The following RNF13 variants were observed in gnomAD, a reference collection of about 807,000 sequenced individuals.
The protein encoded by RNF13 is E3 ubiquitin-protein ligase RNF13.
Under a neutral mutation model 37.7 loss-of-function variants are expected in RNF13, and 19 were observed. That is an observed-to-expected ratio of 0.50 (90% CI 0.35 to 0.74). RNF13 has a LOEUF of 0.74. RNF13 is among the 30% of genes least tolerant of loss of function. The pLI, the probability that RNF13 is intolerant of heterozygous loss-of-function variation, is 0.01. For missense variants in RNF13, 375 were observed against 453.0 expected (o/e 0.83, Z 1.56); for synonymous variants, 144 against 157.8 (o/e 0.91, Z 0.65).
Position 149,960,044 on chromosome 3 carries a change from TTC to T in RNF13, c.701-10_701-9del, listed in dbSNP as rs745453756. ...GTGAAAAAATAGTTCTCTACATATT[TTC>T]TGTTTTCAGGAGATGAGTATGATGT... On this transcript the variant is annotated splice_polypyrimidine_tract_variant and intron_variant, in intron 8 of 9. Transcript: ENST00000392894. 7.8e-5 allele frequency: 124 copies of T among 1,589,508 alleles called. 1 individual carries two copies. The highest frequency in any genetic ancestry group is 9.9e-5 in the Non-Finnish European group (115 of 1,159,028).
At chr3:149,854,479 G>T (rs1463075680) in intron 3 of RNF13, among the ~76,000 whole-genome samples, 1 of 151,990 alleles carries the variant, frequency 6.6e-6, no homozygotes, top group East Asian at 1.9e-4. Context: ...GTTATCATTT[G>T]TATATATGAA....
chr3:149,825,167 C>T (rs930643425), intron 1 of RNF13, among the ~76,000 whole-genome samples: 25 of 151,172 alleles, frequency 1.7e-4, no homozygotes, highest in African/African-American at 6.1e-4. Flanking sequence ...CTATGTTGCC[C>T]AGGCTCCAGC....
chr3:149,949,974 A>AT (rs1446575989), intron 8 of RNF13, among the ~76,000 whole-genome samples: 9 of 150,620 alleles, frequency 6.0e-5, no homozygotes, highest in Admixed American at 6.0e-4. Context: ...ATATTATTCC[A>AT]TTTTTTCCGT....
chr3:149,870,042 T>C (rs1350623497), intron 3 of RNF13, among the ~76,000 whole-genome samples: 1 of 151,776 alleles, frequency 6.6e-6, no homozygotes, highest in Non-Finnish European at 1.5e-5. Flanking sequence ...TGGCATCTCC[T>C]TTGGTAGAAT....
intron 1 of RNF13, among the ~76,000 whole-genome samples, chr3:149,845,366 G>A (rs1157662693): frequency 1.3e-5 from 2 of 151,964 alleles, no homozygotes; most frequent in African/African-American, 2.4e-5. Context: ...GTCTTTTCAC[G>A]GTATCTTTTT....
At chr3:149,902,528 A>T (rs191185751) in intron 6 of RNF13, among the ~76,000 whole-genome samples, 1 of 152,124 alleles carries the variant, frequency 6.6e-6, no homozygotes, top group Admixed American at 6.6e-5. Context: ...TATATATTAT[A>T]AACACAGAAT....
chr3:149,849,630 C>T lies in RNF13; in HGVS notation c.115-2886C>T, dbSNP rs151289087. On this transcript the variant is annotated intron_variant, in intron 2 of 9. Transcript: ENST00000392894. The stretch of plus-strand genomic sequence containing the variant: ...GGGCTGGAGCTCTGTGGCCAGACTG[C>T]CTCGGTTAGAATCCTGGTTCTTCTA... 2.8e-3 allele frequency among the ~76,000 whole-genome samples: 429 copies of T among 152,260 alleles called. 2 individuals are homozygous for T. The highest frequency in any genetic ancestry group is 9.9e-3 in the African/African-American group (410 of 41,538).
rs957081107 is a variant in RNF13 at position 149,895,409 on chromosome 3, T to C, written c.322-64T>C. On this transcript the variant is annotated intron_variant, in intron 4 of 9. Transcript: ENST00000392894. ...TACTTCAGTAAGTTTTTATAATCAATTGTAAAAGACAAACCACTGTCTTCC... is the reference window on the plus strand; with the variant it reads ...TACTTCAGTAAGTTTTTATAATCAACTGTAAAAGACAAACCACTGTCTTCC... 5 of 970,246 alleles carry C rather than the reference T, an allele frequency of 5.2e-6. No individual in the cohort carries two copies. In the African/African-American group the frequency reaches 8.4e-5, roughly 16 times the overall value. 60.1% of individuals were successfully genotyped at this position (970,246 alleles called of 1,614,324 possible).
chr3:149,838,615 A>G (rs1721884385), intron 1 of RNF13, among the ~76,000 whole-genome samples: 1 of 152,204 alleles, frequency 6.6e-6, no homozygotes, highest in Non-Finnish European at 1.5e-5. Context: ...GCTGGGATGC[A>G]GGGCACCAAG....
chr3:149,862,310 A>G (rs1379436633), intron 3 of RNF13, among the ~76,000 whole-genome samples: 1 of 152,122 alleles, frequency 6.6e-6, no homozygotes, highest in African/African-American at 2.4e-5. Flanking sequence ...TATATCTGCT[A>G]CCTAGAGGTT....
At chr3:149,904,074 C>T (rs1383037266) in intron 6 of RNF13, among the ~76,000 whole-genome samples, 1 of 152,110 alleles carries the variant, frequency 6.6e-6, no homozygotes, top group Non-Finnish European at 1.5e-5. Flanking sequence ...AGCCCCCTCT[C>T]TTTCAGTGGG....
intron 2 of RNF13, among the ~76,000 whole-genome samples, chr3:149,850,722 A>T (rs1559906002): frequency 6.6e-6 from 1 of 152,206 alleles, no homozygotes; most frequent in Non-Finnish European, 1.5e-5. Context: ...ATTGATCTAG[A>T]TAAGTTACTT....
At chr3:149,865,292 C>G (rs1724683163) in intron 3 of RNF13, among the ~76,000 whole-genome samples, 2 of 146,312 alleles carry the variant, frequency 1.4e-5, no homozygotes, top group Non-Finnish European at 1.5e-5. Context: ...CTAACCCTTT[C>G]AACACATTCA....
chr3:149,958,717 T>C (rs926361182), intron 8 of RNF13, among the ~76,000 whole-genome samples: 1 of 152,226 alleles, frequency 6.6e-6, no homozygotes, highest in South Asian at 2.1e-4. Context: ...TCTATGTAAT[T>C]ATAATTAAAA....
Position 149,883,778 on chromosome 3 carries a change from G to A in RNF13, c.321+11624G>A, listed in dbSNP as rs568875068. The stretch of plus-strand genomic sequence containing the variant: ...TACATAGGTAAACGTGTGCCATGGT[G>A]GTTTGCTGCACGGATCAACCCATCA... On this transcript the variant is annotated intron_variant, in intron 4 of 9. Transcript: ENST00000392894. 2.6e-5 allele frequency among the ~76,000 whole-genome samples: 4 copies of A among 151,718 alleles called. No individual in the cohort carries two copies. The South Asian group carries it at 6.2e-4, about 24-fold the overall frequency.
chr3:149,843,465 G>A (rs1722359285), intron 1 of RNF13, among the ~76,000 whole-genome samples: 2 of 152,024 alleles, frequency 1.3e-5, no homozygotes, highest in African/African-American at 2.4e-5. Flanking sequence ...AATTAGTTTC[G>A]TAAATAGAGA....
chr3:149,909,442 A>ATTTTTTTTTTT (rs35918938), intron 6 of RNF13, among the ~76,000 whole-genome samples: 102 of 114,328 alleles, frequency 8.9e-4, no homozygotes, highest in African/African-American at 2.1e-3. Flanking sequence ...TGCCTGGTTA[A>ATTTTTTTTTTT]TTTTTTTTTT....
chr3:149,852,744 A>T, intron 3 of RNF13, 148 bp downstream of exon 3: 1 of 423,466 alleles, frequency 2.4e-6, no homozygotes. Flanking sequence ...GATTATTCAA[A>T]AGATATCAGA....
At chr3:149,861,401 G>A (rs1366781738) in intron 3 of RNF13, among the ~76,000 whole-genome samples, 1 of 151,912 alleles carries the variant, frequency 6.6e-6, no homozygotes, top group African/African-American at 2.4e-5. Context: ...ATAGATGAAT[G>A]GATTAAAAAA....
Sources: gnomAD v4.1 joint callset for allele counts (sites outside exome capture counted in the v4.1 genomes callset) on GRCh38, gnomAD v4.1.1 for gene constraint, MANE v1.5 for transcripts, NCBI Gene and HGNC (gene_info 2026-07-23, HGNC 2026-07-21) for gene names.